The following PRDM7 variants were observed in gnomAD, a reference collection of about 807,000 sequenced individuals.
The protein encoded by PRDM7 is PR/SET domain 7.
A neutral mutation model predicts 64.3 loss-of-function variants in PRDM7; 52 were observed. The ratio of observed to expected loss-of-function variants is 0.81; its 90% CI spans 0.65 to 1.02. The LOEUF is 1.02. PRDM7 is among the 50% of genes least tolerant of loss of function. The pLI is 0.00. For synonymous variants in PRDM7, 192 were observed against 210.1 expected, an observed-to-expected ratio of 0.91 and a Z score of 0.74; for missense variants, 574 against 597.1, an observed-to-expected ratio of 0.96 and a Z score of 0.40.
Position 90,075,793 on chromosome 16 carries a change from A to C in PRDM7, c.69+49T>G. 4.4e-5 allele frequency: 69 copies of C among 1,582,454 alleles called. No homozygotes were observed. The highest frequency in any genetic ancestry group is 8.1e-5 in the African/African-American group (6 of 74,288). ...ACAGGCCAGGAGTCTGCAGCACTCC[A>C]GAGATCAGCTCCTGCTGGGAGTCTG... On this transcript the variant is annotated intron_variant, in intron 2 of 10. Transcript: ENST00000449207. The surrounding 1 kb of genome is among the most constrained non-coding windows in gnomAD (Gnocchi z 4.3).
intron 6 of PRDM7, among the ~76,000 whole-genome samples, chr16:90,063,141 A>G (rs2037810487): frequency 1.3e-5 from 2 of 152,188 alleles, no homozygotes; most frequent in South Asian, 2.1e-4. Context: ...ATGATCTTAC[A>G]TGCTATTCAA....
rs2038020683 is a variant in PRDM7 at position 90,075,361 on chromosome 16, C to T, written c.183G>A (p.Leu61=). The T allele has an allele frequency of 6.2e-7, 1 of 1,614,220 alleles. No homozygotes were observed. The highest frequency in any genetic ancestry group is 8.5e-7 in the Non-Finnish European group (1 of 1,180,050). ...YRNVKMNYNA[L]ITVGLRATRP... ...AGCACTTCCTGTTACCTACAGTAAT[C>T]AGTGCATTATAGTTCATTTTCACAT... The change falls in exon 3 of 11, where the codon CTG becomes CTA. Residue 61 remains leucine, a synonymous_variant. Transcript: ENST00000449207. The surrounding 1 kb of genome is among the most constrained non-coding windows in gnomAD (Gnocchi z 4.3).
rs560450422 is a variant in PRDM7, at chr16:90,060,900, C to T, written c.951-277G>A. On this transcript the variant is annotated intron_variant, in intron 9 of 10. Coordinates refer to ENST00000449207, the MANE Select transcript of PRDM7 (RefSeq NM_001098173.2). ...TTAGCTCACATCATTCTACACTCAGCTCAAGTCCATCTTTCTTTGACAGGC... is the reference window on the plus strand; with the variant it reads ...TTAGCTCACATCATTCTACACTCAGTTCAAGTCCATCTTTCTTTGACAGGC... Among the ~76,000 whole-genome samples the T allele has an allele frequency of 9.4e-4, 143 of 152,348 alleles. 1 individual carries two copies. Among genetic ancestry groups the T allele is most frequent in the South Asian group, 8.1e-3 (39 of 4,828 alleles).
At chr16:90,061,884 G>A (rs1470351001) in intron 8 of PRDM7, 37 bp downstream of exon 8, 2 of 1,613,720 alleles carry the variant, frequency 1.2e-6, no homozygotes, top group Non-Finnish European at 1.7e-6. Context: ...AAGGGATGTG[G>A]GAAGACAGAA....
intron 4 of PRDM7, among the ~76,000 whole-genome samples, chr16:90,068,309 A>G (rs1398593674): frequency 6.7e-6 from 1 of 150,270 alleles, no homozygotes; most frequent in East Asian, 1.9e-4. Context: ...AAATAAAACT[A>G]TAAAGATTTT....
intron 7 of PRDM7, 91 bp from the exon 8 acceptor site, chr16:90,062,283 A>T: frequency 1.2e-6 from 2 of 1,613,942 alleles, no homozygotes; most frequent in Non-Finnish European, 1.7e-6. Flanking sequence ...CACATTATTT[A>T]GCCCCAATCC....
At position 90,057,641 on chromosome 16, in the gene PRDM7, C is replaced by A; in HGVS notation, c.*648G>T. The A allele has an allele frequency of 9.7e-7, 1 of 1,033,768 alleles. No homozygotes were observed. Among genetic ancestry groups the A allele is most frequent in the Non-Finnish European group, 1.2e-6 (1 of 805,396 alleles). 64.0% of individuals were successfully genotyped at this position (1,033,768 alleles called of 1,614,324 possible). ...GTCCCCCGAACACTTACAGAACTATCCCCTGTTCTTCCTCAACTCTAGTCA... is the reference window on the plus strand; with the variant it reads ...GTCCCCCGAACACTTACAGAACTATACCCTGTTCTTCCTCAACTCTAGTCA... On this transcript the variant is annotated 3_prime_UTR_variant, in exon 11 of 11. Transcript: ENST00000449207.
At position 90,060,396 on chromosome 16, in the gene PRDM7, C is replaced by T; in HGVS notation, c.1178G>A (p.Arg393Lys). ...TGCTGCCCCACTTGATGCCCAGTTCCTGGCCATACTCATCCCCATACCAGA... is the reference window on the plus strand; with the variant it reads ...TGCTGCCCCACTTGATGCCCAGTTCTTGGCCATACTCATCCCCATACCAGA... ...CWSGMGMSMA[R>K]NWASSGAASG... Residue 393 changes from arginine to lysine, a missense_variant, in exon 10 of 11, where the codon AGG becomes AAG. Arg to Lys is a conservative substitution (Grantham distance 26). Coordinates refer to ENST00000449207, the MANE Select transcript of PRDM7 (RefSeq NM_001098173.2). 6.2e-7 allele frequency: 1 copy of T among 1,613,932 alleles called. No individual in the cohort carries two copies. The highest frequency in any genetic ancestry group is 8.5e-7 in the Non-Finnish European group (1 of 1,179,878).
chr16:90,072,284 T>G (rs181700070), intron 4 of PRDM7, among the ~76,000 whole-genome samples: 123 of 151,184 alleles, frequency 8.1e-4, no homozygotes, highest in African/African-American at 2.8e-3. Context: ...TGCACACTGA[T>G]AGTTATTACA....
rs540381832 is a variant in PRDM7, at chr16:90,071,163, G to T, written c.301+3753C>A. Among the ~76,000 whole-genome samples the T allele has an allele frequency of 2.3e-4, 35 of 152,142 alleles. 1 individual carries two copies. Among genetic ancestry groups the T allele is most frequent in the Admixed American group, 2.3e-3 (35 of 15,282 alleles). On this transcript the variant is annotated intron_variant, in intron 4 of 10. Transcript: ENST00000449207. ...GTTTGTTTTTTTGAGATGGAGTCTC[G>T]TTCTGTTGCCCAGGCTGGAGTGCAG...
rs35643991 is a variant in PRDM7 at position 90,064,400 on chromosome 16, T to TG, written c.352-633dup. ...TTCCCGATCCAGAAGTTGGCATACA[T>TG]GGTTTTGTTTTGTTTTGTTTTGTTT... is the stretch of plus-strand genomic sequence containing the variant. On this transcript the variant is annotated intron_variant, in intron 5 of 10. Transcript: ENST00000449207. Among the ~76,000 whole-genome samples the TG allele has an allele frequency of 4.9e-5, 7 of 142,634 alleles. No homozygotes were observed. The East Asian group carries it at 2.5e-3, about 51-fold the overall frequency. The allele number at this position is 142,634 out of a possible 152,430, so 93.6% of individuals were successfully genotyped here. A position where few individuals can be genotyped will look rare whatever the true frequency, so the allele number is the denominator to read the frequency against.
rs750552293 is a variant in PRDM7 at position 90,058,263 on chromosome 16, A to T, written c.*26T>A. 6.8e-6 allele frequency: 11 copies of T among 1,613,912 alleles called. No homozygotes were observed. Among genetic ancestry groups the T allele is most frequent in the Non-Finnish European group, 9.3e-6 (11 of 1,179,980 alleles). On this transcript the variant is annotated 3_prime_UTR_variant, in exon 11 of 11. Transcript: ENST00000449207. Reference sequence around the variant, plus strand: ...TGGGTGGGCTAGAAAAGGCCCTTGAAATCTCCCTCTGCCATGTCCTTTTAT... The same window carrying T: ...TGGGTGGGCTAGAAAAGGCCCTTGATATCTCCCTCTGCCATGTCCTTTTAT...
At chr16:90,064,882 C>T (rs1472439289) in intron 5 of PRDM7, among the ~76,000 whole-genome samples, 1 of 150,482 alleles carries the variant, frequency 6.6e-6, no homozygotes, top group Non-Finnish European at 1.5e-5. Flanking sequence ...CCATGCCCAG[C>T]TGATTTTTGT....
chr16:90,058,619 G>A (rs62054650), intron 10 of PRDM7, 85 bp from the exon 11 acceptor site: 1 of 1,470,642 alleles, frequency 6.8e-7, no homozygotes, highest in Non-Finnish European at 9.5e-7. Flanking sequence ...TGAAGAACCA[G>A]TCATTCTTCA....
intron 4 of PRDM7, among the ~76,000 whole-genome samples, chr16:90,070,672 T>C (rs1019857421): frequency 6.6e-6 from 1 of 151,736 alleles, no homozygotes; most frequent in Non-Finnish European, 1.5e-5. Context: ...AAATAATTCA[T>C]GTAAATACAC....
intron 5 of PRDM7, among the ~76,000 whole-genome samples, chr16:90,064,267 C>T (rs1597686042): frequency 6.6e-6 from 1 of 152,172 alleles, no homozygotes; most frequent in Admixed American, 6.6e-5. Flanking sequence ...TGCATGTTGC[C>T]ATATCCTGGA....
chr16:90,075,894 G>T lies in PRDM7; in HGVS notation c.17C>A (p.Ser6Tyr). ...GTCTCCTTCTGGGCTCTCCTCTTGG[G>T]ACCTTTCAGGGCTCATGGTGCTGGG... Reference protein sequence around the residue: MSPERSQEESPEGDTE... With the variant: MSPERYQEESPEGDTE... Residue 6 changes from serine to tyrosine, a missense_variant, in exon 2 of 11, where the codon TCC (serine) becomes TAC (tyrosine). Ser to Tyr is a moderately radical substitution (Grantham distance 144). Coordinates refer to ENST00000449207, the MANE Select transcript of PRDM7 (RefSeq NM_001098173.2). The surrounding 1 kb of genome is among the most constrained non-coding windows in gnomAD (Gnocchi z 4.3). The T allele has an allele frequency of 6.2e-7, 1 of 1,613,980 alleles. No individual in the cohort carries two copies. The highest frequency in any genetic ancestry group is 8.5e-7 in the Non-Finnish European group (1 of 1,179,956).
chr16:90,067,853 G>A (rs1567878451), intron 4 of PRDM7, among the ~76,000 whole-genome samples: 2 of 151,100 alleles, frequency 1.3e-5, no homozygotes, highest in Admixed American at 6.6e-5. Flanking sequence ...GCCTCCCAAA[G>A]TGCTGGGATT....
intron 4 of PRDM7, 123 bp downstream of exon 4, chr16:90,074,793 C>T (rs926345137): frequency 1.3e-5 from 12 of 900,268 alleles, no homozygotes; most frequent in South Asian, 6.2e-5. Context: ...GCAGGAGAAT[C>T]GCTTGAACCT....
Sources: allele counts gnomAD v4.1 joint callset (sites outside exome capture counted in the v4.1 genomes callset), GRCh38; gene constraint gnomAD v4.1.1; non-coding constraint Gnocchi (gnomAD v3.1); transcripts MANE v1.5; gene names NCBI Gene and HGNC (gene_info 2026-07-23, HGNC 2026-07-21).